BBX: variants seen among roughly 807,000 people sequenced by gnomAD.
BBX encodes HMG box transcription factor BBX.
A neutral mutation model predicts 100.2 loss-of-function variants in BBX; 30 were observed. The ratio of observed to expected loss-of-function variants is 0.30; its 90% confidence interval spans 0.22 to 0.41. The LOEUF (loss-of-function observed/expected upper bound fraction) is 0.41, where lower values mean the gene tolerates loss of function less well. Ranked by LOEUF, BBX falls within the 10% of genes least tolerant of loss-of-function variation. The pLI, the probability that BBX is intolerant of heterozygous loss-of-function variation, is 1.00. For synonymous variants in BBX, 376 were observed against 388.1 expected, an observed-to-expected ratio of 0.97 and a Z score of 0.37; for missense variants, 1,023 against 1,129.8, an observed-to-expected ratio of 0.91 and a Z score of 1.35.
At chr3:107,789,673 G>C in intron 13 of BBX, 114 bp from the exon 14 acceptor site, 1 of 702,622 alleles carries the variant, frequency 1.4e-6, no homozygotes, top group Non-Finnish European at 2.3e-6. Flanking sequence ...CATTTATTGA[G>C]ATTCAATTTG....
chr3:107,599,970 T>G (rs976771641), intron 2 of BBX, among the ~76,000 whole-genome samples: 2 of 152,154 alleles, frequency 1.3e-5, no homozygotes, highest in Non-Finnish European at 2.9e-5. Flanking sequence ...ATGAGGAGCT[T>G]TTTGCACTGA....
chr3:107,597,751 T>C (rs2107610122), intron 2 of BBX, among the ~76,000 whole-genome samples: 1 of 152,350 alleles, frequency 6.6e-6, no homozygotes, highest in South Asian at 2.1e-4. Flanking sequence ...CAAAGCCACC[T>C]GAGTGGCAAA....
At chr3:107,568,508 C>G (rs1361176102) in intron 2 of BBX, among the ~76,000 whole-genome samples, 1 of 152,114 alleles carries the variant, frequency 6.6e-6, no homozygotes, top group Non-Finnish European at 1.5e-5. Flanking sequence ...TTGTGATCCC[C>G]TCGGCCTCCC....
chr3:107,565,759 G>T (rs1444008426), intron 2 of BBX, among the ~76,000 whole-genome samples: 1 of 148,940 alleles, frequency 6.7e-6, no homozygotes, highest in African/African-American at 2.5e-5. Context: ...GCCCAACCTA[G>T]TTTTTTTTTT....
At chr3:107,726,276 G>C (rs1462507897) in intron 5 of BBX, among the ~76,000 whole-genome samples, 1 of 151,872 alleles carries the variant, frequency 6.6e-6, no homozygotes, top group Non-Finnish European at 1.5e-5. Flanking sequence ...AGAACAGATA[G>C]ACATCCTCAT....
intron 2 of BBX, among the ~76,000 whole-genome samples, chr3:107,609,855 T>C (rs1183925414): frequency 6.6e-6 from 1 of 152,094 alleles, no homozygotes; most frequent in Non-Finnish European, 1.5e-5. Flanking sequence ...TATTGTTTTC[T>C]TTATTTCAAT....
intron 3 of BBX, among the ~76,000 whole-genome samples, chr3:107,656,529 T>C (rs2107834314): frequency 6.6e-6 from 1 of 152,148 alleles, no homozygotes; most frequent in East Asian, 1.9e-4. Context: ...ATTGTATACT[T>C]TTAAAATTAT....
intron 10 of BBX, among the ~76,000 whole-genome samples, chr3:107,768,950 G>A (rs1326957730): frequency 7.1e-6 from 1 of 141,726 alleles, no homozygotes; most frequent in African/African-American, 2.6e-5. Context: ...TTGAGGCCAG[G>A]AGTTGGAGAG....
intron 7 of BBX, among the ~76,000 whole-genome samples, chr3:107,738,111 A>G (rs555344995): frequency 8.2e-4 from 125 of 151,646 alleles, no homozygotes; most frequent in African/African-American, 2.9e-3. Flanking sequence ...TGTAATATCA[A>G]TCTGTCACCT....
chr3:107,579,992 G>C (rs113957225), intron 2 of BBX, among the ~76,000 whole-genome samples: 1 of 151,842 alleles, frequency 6.6e-6, no homozygotes, highest in Non-Finnish European at 1.5e-5. Context: ...TATTTATGGC[G>C]GTGGATTTTT....
chr3:107,693,656 G>T (rs1452988765), intron 3 of BBX, among the ~76,000 whole-genome samples: 2 of 151,736 alleles, frequency 1.3e-5, no homozygotes, highest in African/African-American at 4.9e-5. Flanking sequence ...TTGTTCTTTT[G>T]GCTCAGGATT....
chr3:107,783,506 C>A (rs531802465), intron 13 of BBX, among the ~76,000 whole-genome samples: 1 of 152,004 alleles, frequency 6.6e-6, no homozygotes, highest in Non-Finnish European at 1.5e-5. Flanking sequence ...ACACTGCATA[C>A]GTCAAATCAT....
At chr3:107,706,148 G>A (rs535445285) in intron 3 of BBX, among the ~76,000 whole-genome samples, 5 of 150,772 alleles carry the variant, frequency 3.3e-5, no homozygotes, top group Non-Finnish European at 7.4e-5. Flanking sequence ...CCAGCCTCGC[G>A]AGTAGCTGGG....
intron 2 of BBX, among the ~76,000 whole-genome samples, chr3:107,627,416 T>G (rs2056261212): frequency 6.6e-6 from 1 of 152,182 alleles, no homozygotes; most frequent in African/African-American, 2.4e-5. Flanking sequence ...TAATTGGTAG[T>G]TTGTTTAGAA....
intron 2 of BBX, among the ~76,000 whole-genome samples, chr3:107,642,596 T>A (rs369030771): frequency 6.6e-6 from 1 of 152,286 alleles, no homozygotes; most frequent in Non-Finnish European, 1.5e-5. Context: ...AAAGCATACA[T>A]GTAGTTGAAA....
chr3:107,642,935 G>T (rs538399877), intron 2 of BBX, among the ~76,000 whole-genome samples: 1 of 152,236 alleles, frequency 6.6e-6, no homozygotes, highest in African/African-American at 2.4e-5. Context: ...CCAGAGAATT[G>T]ATGAAAACAT....
chr3:107,699,078 C>A (rs73850125), intron 3 of BBX, among the ~76,000 whole-genome samples: 2,122 of 151,860 alleles, frequency 0.014, 111 homozygotes, highest in African/African-American at 0.05. Flanking sequence ...CCTGGAGACA[C>A]ACCATGGTGA....
intron 13 of BBX, among the ~76,000 whole-genome samples, chr3:107,783,150 T>C (rs535236743): frequency 6.6e-6 from 1 of 152,158 alleles, no homozygotes; most frequent in Non-Finnish European, 1.5e-5. Flanking sequence ...CTATGCTGAT[T>C]GGCAGAAATC....
At chr3:107,523,312 G>GC (rs2047499284) in intron 1 of BBX, 1 of 165,322 alleles carries the variant, frequency 6.0e-6, no homozygotes, top group Admixed American at 6.5e-5. Flanking sequence ...CCGCCAGCCG[G>GC]CCCGCTCCCT....
Sources: gnomAD v4.1 joint callset for allele counts (sites outside exome capture counted in the v4.1 genomes callset) on GRCh38, gnomAD v4.1.1 for gene constraint, MANE v1.5 for transcripts, NCBI Gene and HGNC (gene_info 2026-07-23, HGNC 2026-07-21) for gene names.